The following MACROD2 variants were observed in gnomAD, a reference collection of about 807,000 sequenced individuals.
MACROD2 encodes mono-ADP ribosylhydrolase 2.
A neutral mutation model predicts 70.4 loss-of-function variants in MACROD2; 36 were observed. That is an observed-to-expected ratio of 0.51 (90% confidence interval 0.39 to 0.68). MACROD2 has a LOEUF of 0.68. MACROD2 is among the 30% of genes least tolerant of loss of function. MACROD2 has a pLI of 0.00. For missense variants in MACROD2, 496 were observed against 538.4 expected (o/e 0.92, Z 0.78); for synonymous variants, 172 against 178.8 (o/e 0.96, Z 0.30).
intron 2 of MACROD2, among the ~76,000 whole-genome samples, chr20:14,030,512 G>A (rs938542400): frequency 2.9e-4 from 44 of 151,886 alleles, no homozygotes; most frequent in African/African-American, 7.7e-4. Context: ...GGGTTCAAGC[G>A]ATTCTCCTGA....
intron 2 of MACROD2, among the ~76,000 whole-genome samples, chr20:14,026,776 A>AT (rs918061372): frequency 2.0e-5 from 3 of 151,942 alleles, no homozygotes; most frequent in African/African-American, 7.3e-5. Context: ...TCCCCTTAAC[A>AT]TTTTTTCATT....
chr20:14,056,611 G>A (rs969761813), intron 2 of MACROD2, among the ~76,000 whole-genome samples: 2 of 151,110 alleles, frequency 1.3e-5, no homozygotes, highest in African/African-American at 4.9e-5. Context: ...TACTTAAGAG[G>A]GTATTTAAAA....
At chr20:14,035,284 A>G (rs75468121) in intron 2 of MACROD2, among the ~76,000 whole-genome samples, 1 of 152,192 alleles carries the variant, frequency 6.6e-6, no homozygotes, top group Non-Finnish European at 1.5e-5. Flanking sequence ...CTTGACTTTA[A>G]TGCATTTTGT....
At chr20:14,062,832 T>C (rs1569141389) in intron 2 of MACROD2, among the ~76,000 whole-genome samples, 1 of 152,232 alleles carries the variant, frequency 6.6e-6, no homozygotes, top group Admixed American at 6.5e-5. Context: ...ATCTGACTTC[T>C]TTAATTTTCA....
chr20:15,910,511 G>A (rs2065221375), intron 10 of MACROD2, among the ~76,000 whole-genome samples: 3 of 151,876 alleles, frequency 2.0e-5, no homozygotes, highest in Admixed American at 2.0e-4. Context: ...AAAAGTGGAG[G>A]ATGTAAAAGA....
intron 5 of MACROD2, among the ~76,000 whole-genome samples, chr20:14,882,502 T>G (rs2073621533): frequency 6.6e-6 from 1 of 152,174 alleles, no homozygotes; most frequent in South Asian, 2.1e-4. Context: ...ACAAAAACCC[T>G]AAAATAACTA....
intron 5 of MACROD2, among the ~76,000 whole-genome samples, chr20:15,141,612 C>G (rs980100359): frequency 6.6e-6 from 1 of 152,164 alleles, no homozygotes; most frequent in East Asian, 1.9e-4. Flanking sequence ...TAATTCGTAC[C>G]TTTCTAATGC....
chr20:15,735,860 A>G (rs1461249053), intron 8 of MACROD2, among the ~76,000 whole-genome samples: 3 of 152,356 alleles, frequency 2.0e-5, no homozygotes, highest in African/African-American at 7.2e-5. Context: ...AGTGCAGATT[A>G]TAGATCTTCT....
chr20:15,526,628 G>C (rs1208027057), intron 8 of MACROD2, among the ~76,000 whole-genome samples: 2 of 152,154 alleles, frequency 1.3e-5, no homozygotes, highest in Admixed American at 6.6e-5. Context: ...TGGGTTGACT[G>C]TTTTCAGCCA....
At chr20:15,026,958 G>A (rs745331866) in intron 5 of MACROD2, among the ~76,000 whole-genome samples, 1 of 152,086 alleles carries the variant, frequency 6.6e-6, no homozygotes, top group Non-Finnish European at 1.5e-5. Context: ...ATAATAACAA[G>A]ACTTAATTAA....
intron 3 of MACROD2, among the ~76,000 whole-genome samples, chr20:14,365,704 T>TTA (rs764629309): frequency 3.0e-4 from 45 of 152,280 alleles, no homozygotes; most frequent in Middle Eastern, 3.4e-3. Flanking sequence ...TAAAGTTAGG[T>TTA]TATTGATTTC....
intron 4 of MACROD2, among the ~76,000 whole-genome samples, chr20:14,672,723 G>T (rs1297716314): frequency 6.6e-6 from 1 of 152,168 alleles, no homozygotes; most frequent in South Asian, 2.1e-4. Flanking sequence ...ACAGAGACTG[G>T]CATTTTGATT....
At chr20:15,232,751 C>G (rs2145987241) in intron 6 of MACROD2, among the ~76,000 whole-genome samples, 1 of 152,094 alleles carries the variant, frequency 6.6e-6, no homozygotes, top group South Asian at 2.1e-4. Context: ...TTTTAAACAA[C>G]AGGGAAATGT....
At chr20:14,587,349 G>A (rs898029985) in intron 4 of MACROD2, among the ~76,000 whole-genome samples, 1 of 151,444 alleles carries the variant, frequency 6.6e-6, no homozygotes, top group African/African-American at 2.4e-5. Flanking sequence ...TATATTGTCT[G>A]CACTTAATTA....
At chr20:14,273,704 G>T (rs1192723108) in intron 3 of MACROD2, among the ~76,000 whole-genome samples, 2 of 152,152 alleles carry the variant, frequency 1.3e-5, no homozygotes, top group South Asian at 4.2e-4. Flanking sequence ...ATGAATTCAG[G>T]AGCTGGTTTT....
chr20:15,559,008 C>G (rs986056019), intron 8 of MACROD2, among the ~76,000 whole-genome samples: 1 of 151,934 alleles, frequency 6.6e-6, no homozygotes, highest in Admixed American at 6.6e-5. Context: ...ACGGGCGGAT[C>G]ACGAGGTCAG....
intron 4 of MACROD2, among the ~76,000 whole-genome samples, chr20:14,583,206 G>A (rs929019340): frequency 4.6e-5 from 7 of 152,164 alleles, no homozygotes; most frequent in Admixed American, 4.6e-4. Context: ...TCTCCAGCAT[G>A]AGCATGTCTT....
chr20:15,406,632 A>G (rs1323799416), intron 6 of MACROD2, among the ~76,000 whole-genome samples: 2 of 152,194 alleles, frequency 1.3e-5, no homozygotes, highest in East Asian at 1.9e-4. Context: ...AATGGCAGAC[A>G]TGTATCATTT....
intron 3 of MACROD2, among the ~76,000 whole-genome samples, chr20:14,466,000 C>G (rs1428978517): frequency 6.6e-6 from 1 of 152,034 alleles, no homozygotes; most frequent in Non-Finnish European, 1.5e-5. Context: ...GTGAATCTGA[C>G]AATTATGTGT....
Sources: allele counts gnomAD v4.1 joint callset (sites outside exome capture counted in the v4.1 genomes callset), GRCh38; gene constraint gnomAD v4.1.1; transcripts MANE v1.5; gene names NCBI Gene and HGNC (gene_info 2026-07-23, HGNC 2026-07-21).